Variants in LIN7A observed in about 807,000 individuals in gnomAD.
The protein encoded by LIN7A is lin-7 cell polarity scaffold A.
In LIN7A, 25 loss-of-function variants were observed where a neutral mutation model predicts 29.8. The observed-to-expected ratio is 0.84, with a 90% confidence interval of 0.61 to 1.17. The LOEUF is 1.17. LIN7A is among the 50% of genes most tolerant of loss of function. LIN7A has a pLI of 0.00. For missense variants in LIN7A, 239 were observed against 287.0 expected (o/e 0.83, Z 1.21); for synonymous variants, 118 against 107.5 (o/e 1.10, Z -0.60).
intron 4 of LIN7A, among the ~76,000 whole-genome samples, chr12:80,813,384 A>T (rs945947498): frequency 3.3e-5 from 5 of 152,206 alleles, no homozygotes; most frequent in Non-Finnish European, 7.3e-5. Flanking sequence ...ATGTAGGAAA[A>T]TTGGACTCAG....
intron 4 of LIN7A, among the ~76,000 whole-genome samples, chr12:80,843,128 G>A (rs1230458301): frequency 6.6e-6 from 1 of 152,084 alleles, no homozygotes; most frequent in African/African-American, 2.4e-5. Context: ...CAAAATAAAT[G>A]TTATAAATGG....
chr12:80,903,055 T>C (rs2120745816), intron 1 of LIN7A, among the ~76,000 whole-genome samples: 1 of 151,158 alleles, frequency 6.6e-6, no homozygotes, highest in East Asian at 2.0e-4. Flanking sequence ...CAACAAACAT[T>C]GAAGAAACAT....
At chr12:80,892,435 G>T (rs956156154) in intron 1 of LIN7A, among the ~76,000 whole-genome samples, 23 of 152,264 alleles carry the variant, frequency 1.5e-4, no homozygotes, top group African/African-American at 5.3e-4. Flanking sequence ...GCCTTGCTTG[G>T]ATCTGGACTA....
intron 2 of LIN7A, among the ~76,000 whole-genome samples, chr12:80,867,455 T>C (rs1215065085): frequency 1.3e-5 from 2 of 151,984 alleles, no homozygotes; most frequent in African/African-American, 4.8e-5. Context: ...GGCTAAGAGG[T>C]GGGGGTATAA....
At chr12:80,914,906 G>A (rs1876950119) in intron 1 of LIN7A, among the ~76,000 whole-genome samples, 1 of 151,934 alleles carries the variant, frequency 6.6e-6, no homozygotes, top group Admixed American at 6.6e-5. Context: ...AAATTAGCTG[G>A]GTGTGGTGGT....
rs1870280148 is a variant in LIN7A, at chr12:80,793,110, C to G, written c.*4617G>C. ...TGATTAGACACATGAACTCTTGTGT[C>G]AGATTGCATGGGTTCAAATCCCAGT... On this transcript the variant is annotated 3_prime_UTR_variant, in exon 6 of 6. Coordinates refer to ENST00000552864, the MANE Select transcript of LIN7A (RefSeq NM_004664.4). The G allele has an allele frequency of 6.6e-6, 1 of 152,134 alleles. No homozygotes were observed. The highest frequency in any genetic ancestry group is 1.5e-5 in the Non-Finnish European group (1 of 68,002). 9.4% of individuals were successfully genotyped at this position (152,134 alleles called of 1,614,324 possible). A position where few individuals can be genotyped will look rare whatever the true frequency, so the allele number is the denominator to read the frequency against.
chr12:80,854,505 A>AAAAAAAAAAAAAAT (rs1565902856), intron 2 of LIN7A, among the ~76,000 whole-genome samples: 1 of 151,554 alleles, frequency 6.6e-6, no homozygotes. Context: ...AAAAAAAAAA[A>AAAAAAAAAAAAAAT]AAAGCCAGAC....
chr12:80,894,872 GT>G (rs1875804613), intron 1 of LIN7A, among the ~76,000 whole-genome samples: 1 of 152,070 alleles, frequency 6.6e-6, no homozygotes, highest in South Asian at 2.1e-4. Context: ...ATACTGCACA[GT>G]TAAAGAAAAA....
intron 1 of LIN7A, among the ~76,000 whole-genome samples, chr12:80,933,853 C>T (rs1878056711): frequency 6.6e-6 from 1 of 152,060 alleles, no homozygotes; most frequent in Admixed American, 6.6e-5. Context: ...CTCCTTTACC[C>T]AGTTTTATTT....
chr12:80,828,657 A>G (rs989929382), intron 4 of LIN7A, among the ~76,000 whole-genome samples: 8 of 152,212 alleles, frequency 5.3e-5, no homozygotes, highest in Non-Finnish European at 8.8e-5. Flanking sequence ...GAGGAAACTG[A>G]GACACAGAAA....
At position 80,937,624 on chromosome 12, in the gene LIN7A, G is replaced by A; in HGVS notation, c.82+17C>T. 1 of 1,468,172 alleles carries A rather than the reference G, an allele frequency of 6.8e-7. No individual in the cohort carries two copies. The highest frequency in any genetic ancestry group is 9.1e-7 in the Non-Finnish European group (1 of 1,099,454). The allele number at this position is 1,468,172 out of a possible 1,614,324, so 90.9% of individuals were successfully genotyped here. ...GAGAGGGGACGCGGTGGCCTGGCGA[G>A]CGAGCCGCTCCCTTACCTCTGTCCA... is the stretch of plus-strand genomic sequence containing the variant. On this transcript the variant is annotated intron_variant, in intron 1 of 5. Coordinates refer to ENST00000552864, the MANE Select transcript of LIN7A (RefSeq NM_004664.4).
chr12:80,848,463 A>G (rs911847810), intron 2 of LIN7A, 141 bp from the exon 3 acceptor site: 2 of 615,328 alleles, frequency 3.3e-6, no homozygotes, highest in African/African-American at 3.7e-5. Flanking sequence ...TTGGGAATGT[A>G]CCTGATAGCA....
chr12:80,934,699 A>C (rs1056177285), intron 1 of LIN7A, among the ~76,000 whole-genome samples: 1 of 152,212 alleles, frequency 6.6e-6, no homozygotes, highest in Admixed American at 6.5e-5. Context: ...AAAAATCTCC[A>C]CTAAATAGTA....
chr12:80,876,127 T>C (rs1275572272), intron 2 of LIN7A, among the ~76,000 whole-genome samples: 1 of 123,004 alleles, frequency 8.1e-6, no homozygotes, highest in Non-Finnish European at 1.7e-5. Context: ...AGAGAGAGAG[T>C]GACAGAAACA....
chr12:80,836,656 A>AT (rs1872600083), intron 4 of LIN7A, among the ~76,000 whole-genome samples: 1 of 152,074 alleles, frequency 6.6e-6, no homozygotes, highest in African/African-American at 2.4e-5. Flanking sequence ...CCCTGTCTCA[A>AT]AAAATAAATA....
intron 2 of LIN7A, among the ~76,000 whole-genome samples, chr12:80,848,799 T>G (rs1565900672): frequency 1.3e-5 from 2 of 152,142 alleles, no homozygotes; most frequent in Non-Finnish European, 2.9e-5. Context: ...AGAGTATTTT[T>G]GGGGAGTGAT....
chr12:80,898,700 C>T (rs183229685), intron 1 of LIN7A, among the ~76,000 whole-genome samples: 87 of 152,058 alleles, frequency 5.7e-4, no homozygotes, highest in African/African-American at 2.1e-3. Context: ...ATCTTTTTGC[C>T]TCCCTAGTTA....
At chr12:80,888,074 C>T (rs554685213) in intron 2 of LIN7A, among the ~76,000 whole-genome samples, 13 of 152,086 alleles carry the variant, frequency 8.5e-5, no homozygotes, top group African/African-American at 3.1e-4. Context: ...CCAAAGAATC[C>T]GTATGCTGAG....
intron 5 of LIN7A, 56 bp downstream of exon 5, chr12:80,811,409 A>G (rs866524582): frequency 2.1e-5 from 13 of 631,966 alleles, no homozygotes; most frequent in Non-Finnish European, 3.4e-5. Flanking sequence ...ATATACATAT[A>G]TGTGTGTGTG....
Sources: gnomAD v4.1 joint callset for allele counts (sites outside exome capture counted in the v4.1 genomes callset) on GRCh38, gnomAD v4.1.1 for gene constraint, MANE v1.5 for transcripts, NCBI Gene and HGNC (gene_info 2026-07-23, HGNC 2026-07-21) for gene names.